The following ATP6V1G1 variants were observed in gnomAD, a reference collection of about 807,000 sequenced individuals.
ATP6V1G1 encodes V-type proton ATPase subunit G 1.
Under a neutral mutation model 14.2 loss-of-function variants are expected in ATP6V1G1, and 14 were observed. The observed-to-expected ratio is 0.99, with a 90% CI of 0.65 to 1.55. The LOEUF is 1.55. ATP6V1G1 is among the 40% of genes most tolerant of loss of function. The probability of loss-of-function intolerance (pLI) is 0.00; values close to 1 mark genes in which losing one functional copy is unlikely to be tolerated. For missense variants in ATP6V1G1, 137 were observed against 146.4 expected (o/e 0.94, Z 0.33); for synonymous variants, 65 against 53.3 (o/e 1.22, Z -0.96).
chr9:114,587,968 A>C, intron 1 of ATP6V1G1, 48 bp downstream of exon 1: 1 of 1,546,580 alleles, frequency 6.5e-7, no homozygotes, highest in Non-Finnish European at 8.7e-7. Flanking sequence ...TCGAAGAAAG[A>C]CCGCTGGGCC....
intron 1 of ATP6V1G1, among the ~76,000 whole-genome samples, chr9:114,590,190 C>T (rs1168894001): frequency 2.2e-5 from 3 of 138,802 alleles, no homozygotes; most frequent in African/African-American, 2.7e-5. Context: ...CAGAGGGAGA[C>T]GCCGTCTCAA....
At position 114,598,070 on chromosome 9, in the gene ATP6V1G1, C is replaced by A. The variant is rs527408983; in HGVS notation, c.*327C>A. 151 of 155,626 alleles carry A rather than the reference C, an allele frequency of 9.7e-4. No homozygotes were observed. The East Asian group carries it at 0.01, about 10-fold the overall frequency. The allele number at this position is 155,626 out of a possible 1,614,324, so 9.6% of individuals were successfully genotyped here. A position where few individuals can be genotyped will look rare whatever the true frequency, so the allele number is the denominator to read the frequency against. On this transcript the variant is annotated 3_prime_UTR_variant, in exon 3 of 3. Coordinates refer to ENST00000374050, the MANE Select transcript of ATP6V1G1 (RefSeq NM_004888.4). ...AGATCTAGTTTAAAAAAAAAAAAAA[C>A]CACATAACAATTCTTTGAAGAAAGG...
At chr9:114,591,938 C>G (rs1318697108) in intron 1 of ATP6V1G1, among the ~76,000 whole-genome samples, 1 of 152,034 alleles carries the variant, frequency 6.6e-6, no homozygotes, top group Non-Finnish European at 1.5e-5. Flanking sequence ...CCACTCACTT[C>G]TAGAAACCAA....
intron 1 of ATP6V1G1, chr9:114,588,146 GT>G: frequency 1.7e-6 from 1 of 585,230 alleles, no homozygotes; most frequent in Non-Finnish European, 3.0e-6. Flanking sequence ...ACAATAATGG[GT>G]TACCGTCCTT....
In ATP6V1G1 at chr9:114,597,818, T is replaced by TA. The variant is rs1845256288; in HGVS notation, c.*76dup. ...ATATGAAGCTTAGCACAGCTCTAGTTACATTCTTATGATATGGCATTAAAT... is the reference window on the plus strand; with the variant it reads ...ATATGAAGCTTAGCACAGCTCTAGTTAACATTCTTATGATATGGCATTAAAT... On this transcript the variant is annotated 3_prime_UTR_variant, in exon 3 of 3. Transcript: ENST00000374050. 1.6e-6 allele frequency: 2 copies of TA among 1,290,194 alleles called. No individual in the cohort carries two copies. Among genetic ancestry groups the TA allele is most frequent in the African/African-American group, 1.5e-5 (1 of 65,426 alleles). The allele number at this position is 1,290,194 out of a possible 1,614,324, so 79.9% of individuals were successfully genotyped here.
At position 114,597,851 on chromosome 9, in the gene ATP6V1G1, ATATAT is replaced by A. The variant is rs1397737479; in HGVS notation, c.*114_*118del. Reference sequence around the variant, plus strand: ...TATGATATGGCATTAAATTATTTCCATATATTATATAATAGGTCCTTCCACTTTTT... The same window carrying A: ...TATGATATGGCATTAAATTATTTCCATATATAATAGGTCCTTCCACTTTTT... On this transcript the variant is annotated 3_prime_UTR_variant, in exon 3 of 3. Coordinates refer to ENST00000374050, the MANE Select transcript of ATP6V1G1 (RefSeq NM_004888.4). The A allele has an allele frequency of 1.7e-5, 17 of 1,028,798 alleles. No individual in the cohort carries two copies. Among genetic ancestry groups the A allele is most frequent in the East Asian group, 9.6e-5 (3 of 31,096 alleles). 63.7% of individuals were successfully genotyped at this position (1,028,798 alleles called of 1,614,324 possible). A position where few individuals can be genotyped will look rare whatever the true frequency, so the allele number is the denominator to read the frequency against.
chr9:114,588,439 G>A (rs966136917), intron 1 of ATP6V1G1, among the ~76,000 whole-genome samples: 2 of 123,106 alleles, frequency 1.6e-5, no homozygotes, highest in African/African-American at 6.1e-5. Flanking sequence ...AATCGTTGGC[G>A]TGTGTGCGTG....
At chr9:114,590,328 T>C (rs1845171132) in intron 1 of ATP6V1G1, among the ~76,000 whole-genome samples, 1 of 151,308 alleles carries the variant, frequency 6.6e-6, no homozygotes, top group Non-Finnish European at 1.5e-5. Context: ...GGCACCATCT[T>C]GGCTCACTGC....
In ATP6V1G1 at chr9:114,592,534, T is replaced by C; in HGVS notation, c.83-18T>C. 1 of 1,553,176 alleles carries C rather than the reference T, an allele frequency of 6.4e-7. No homozygotes were observed. The highest frequency in any genetic ancestry group is 2.0e-5 in the Admixed American group (1 of 51,092). On this transcript the variant is annotated intron_variant, in intron 1 of 2. Transcript: ENST00000374050. ...ACTTTTAACCACTTCCTGATATAGC[T>C]CTCTCCTTTGAAAACAGGAAAGAAC...
chr9:114,587,950 G>A, intron 1 of ATP6V1G1, 30 bp downstream of exon 1: 1 of 1,554,282 alleles, frequency 6.4e-7, no homozygotes, highest in South Asian at 1.2e-5. Flanking sequence ...TGCCCGGCGT[G>A]GCGCGAGTCG....
intron 1 of ATP6V1G1, among the ~76,000 whole-genome samples, chr9:114,589,107 C>T (rs1166637128): frequency 6.6e-6 from 1 of 152,160 alleles, no homozygotes; most frequent in Non-Finnish European, 1.5e-5. Context: ...TTCCATCAGA[C>T]CTCAATTTAG....
chr9:114,588,691 A>G (rs1297119875), intron 1 of ATP6V1G1, among the ~76,000 whole-genome samples: 1 of 152,124 alleles, frequency 6.6e-6, no homozygotes, highest in East Asian at 1.9e-4. Context: ...TAAGGTTGCT[A>G]AAGAATTTAA....
chr9:114,592,517 C>T (rs781107001), intron 1 of ATP6V1G1, 35 bp from the exon 2 acceptor site: 1 of 1,535,034 alleles, frequency 6.5e-7, no homozygotes, highest in Non-Finnish European at 8.8e-7. Context: ...CTACTTTTAA[C>T]CACTTCCTGA....
intron 2 of ATP6V1G1, among the ~76,000 whole-genome samples, chr9:114,593,845 CT>C (rs1845207983): frequency 1.3e-5 from 2 of 152,050 alleles, no homozygotes; most frequent in South Asian, 2.1e-4. Flanking sequence ...AATCCCAATA[CT>C]TTGGGAGGCT....
rs528902008 is a variant in ATP6V1G1 at position 114,595,783 on chromosome 9, G to GA, written c.184-1778dup. ...ACATAGTGAGATCCCATCTCTTCGGGAAAAAAAAATGGAGTGATAGCCTCC... is the reference window on the plus strand; with the variant it reads ...ACATAGTGAGATCCCATCTCTTCGGGAAAAAAAAAATGGAGTGATAGCCTCC... On this transcript the variant is annotated intron_variant, in intron 2 of 2. Transcript: ENST00000374050. Among the ~76,000 whole-genome samples, 18 of 150,526 alleles carry GA rather than the reference G, an allele frequency of 1.2e-4. No homozygotes were observed. In the South Asian group the frequency reaches 2.5e-3, roughly 21 times the overall value.
At position 114,597,762 on chromosome 9, in the gene ATP6V1G1, C is replaced by G. The variant is rs1175986729; in HGVS notation, c.*19C>G. On this transcript the variant is annotated 3_prime_UTR_variant, in exon 3 of 3. Coordinates refer to ENST00000374050, the MANE Select transcript of ATP6V1G1 (RefSeq NM_004888.4). ...TGGATAGAAGAGAGAAGCACCTGTG[C>G]TGTGGAGTGGCATTTTAGATGCCCT... 6.6e-7 allele frequency: 1 copy of G among 1,514,008 alleles called. No homozygotes were observed. Among genetic ancestry groups the G allele is most frequent in the Non-Finnish European group, 8.8e-7 (1 of 1,135,482 alleles). 93.8% of individuals were successfully genotyped at this position (1,514,008 alleles called of 1,614,324 possible). A position where few individuals can be genotyped will look rare whatever the true frequency, so the allele number is the denominator to read the frequency against.
Position 114,592,640 on chromosome 9 carries a change from C to G in ATP6V1G1, c.171C>G (p.Ala57=). The change falls in exon 2 of 3, where the codon GCC becomes GCG. Residue 57 remains alanine (A), a synonymous_variant. Transcript: ENST00000374050. ...TGCAGAGGGAGAAAGAATTCAAGGCCAAGGAAGCTGCGGTGGGGCACCATT... is the reference window on the plus strand; with the variant it reads ...TGCAGAGGGAGAAAGAATTCAAGGCGAAGGAAGCTGCGGTGGGGCACCATT... ...YRLQREKEFK[A]KEAAALGSRG... 1.3e-6 allele frequency: 2 copies of G among 1,575,732 alleles called. No individual in the cohort carries two copies. The highest frequency in any genetic ancestry group is 2.3e-5 in the South Asian group (2 of 85,760).
At chr9:114,593,911 C>A (rs2133559150) in intron 2 of ATP6V1G1, among the ~76,000 whole-genome samples, 1 of 152,112 alleles carries the variant, frequency 6.6e-6, no homozygotes, top group East Asian at 1.9e-4. Context: ...GGCAATAAAC[C>A]AAGACCCTGT....
intron 2 of ATP6V1G1, among the ~76,000 whole-genome samples, chr9:114,596,595 C>A (rs1845241000): frequency 6.6e-6 from 1 of 152,194 alleles, no homozygotes; most frequent in African/African-American, 2.4e-5. Flanking sequence ...AATGGTGAAA[C>A]TCCTTGTATA....
Sources: gnomAD v4.1 joint callset for allele counts (sites outside exome capture counted in the v4.1 genomes callset) on GRCh38, gnomAD v4.1.1 for gene constraint, MANE v1.5 for transcripts, NCBI Gene and HGNC (gene_info 2026-07-23, HGNC 2026-07-21) for gene names.